The following TDP1 variants were observed in gnomAD, a reference collection of about 807,000 sequenced individuals.
The protein encoded by TDP1 is tyrosyl-DNA phosphodiesterase 1, also known as tyr-DNA phosphodiesterase 1.
Under a neutral mutation model 81.5 loss-of-function variants are expected in TDP1, and 64 were observed. That is an observed-to-expected ratio of 0.79 (90% confidence interval 0.64 to 0.97). The LOEUF is 0.97. Ranked by LOEUF, TDP1 falls within the 50% of genes least tolerant of loss-of-function variation. The pLI, the probability that TDP1 is intolerant of heterozygous loss-of-function variation, is 0.00. For synonymous variants in TDP1, 256 were observed against 264.3 expected, an observed-to-expected ratio of 0.97 and a Z score of 0.30; for missense variants, 723 against 743.8, an observed-to-expected ratio of 0.97 and a Z score of 0.33.
chr14:90,040,919 A>G (rs2140354582), intron 16 of TDP1, among the ~76,000 whole-genome samples: 1 of 152,354 alleles, frequency 6.6e-6, no homozygotes, highest in East Asian at 1.9e-4. Context: ...TAAAAACTCA[A>G]AAAGCAGAGC....
At chr14:90,008,672 T>C (rs1266741097) in intron 14 of TDP1, among the ~76,000 whole-genome samples, 2 of 152,240 alleles carry the variant, frequency 1.3e-5, no homozygotes, top group African/African-American at 4.8e-5. Flanking sequence ...ATTTGTTTTA[T>C]GCTTGTTTCA....
Position 89,991,942 on chromosome 14 carries a change from C to T in TDP1, c.1392C>T (p.Ile464=). The change falls in exon 13 of 17, where the codon ATC becomes ATT. Residue 464 remains isoleucine (I), a synonymous_variant. Transcript: ENST00000335725. Reference sequence around the variant, plus strand: ...CTGGGGGCTCTCTTCCCTATAGCATCCAGACAGCTGAAAAACAGAATTGGC... The same window carrying T: ...CTGGGGGCTCTCTTCCCTATAGCATTCAGACAGCTGAAAAACAGAATTGGC... The part of the protein sequence containing the change: ...YPAGGSLPYS[I]QTAEKQNWLH... The T allele has an allele frequency of 6.2e-7, 1 of 1,612,420 alleles. No individual in the cohort carries two copies. The highest frequency in any genetic ancestry group is 8.5e-7 in the Non-Finnish European group (1 of 1,179,512).
chr14:89,966,747 T>G (rs1892987386), intron 4 of TDP1, among the ~76,000 whole-genome samples: 1 of 152,216 alleles, frequency 6.6e-6, no homozygotes, highest in African/African-American at 2.4e-5. Context: ...AGTCCTGGTT[T>G]CCATTTGGAA....
chr14:90,033,060 C>A, intron 15 of TDP1, 46 bp from the exon 16 acceptor site: 1 of 1,334,222 alleles, frequency 7.5e-7, no homozygotes, highest in Non-Finnish European at 1.1e-6. Context: ...TTTTTTTAAA[C>A]CCAGAAAATG....
intron 15 of TDP1, among the ~76,000 whole-genome samples, chr14:90,030,646 A>G (rs944905746): frequency 3.7e-4 from 57 of 152,250 alleles, no homozygotes; most frequent in Non-Finnish European, 6.0e-4. Context: ...GAAGCAGGAA[A>G]GGAACTTTAG....
chr14:89,988,444 A>T, intron 10 of TDP1: 1 of 284,628 alleles, frequency 3.5e-6, no homozygotes, highest in Non-Finnish European at 5.3e-6. Context: ...CAGTCTCATT[A>T]ACATACAGAA....
rs34039545 is a variant in TDP1, at chr14:90,033,045, G to T, written c.1645-61G>T. The T allele has an allele frequency of 4.9e-4, 504 of 1,025,782 alleles. 2 individuals carry two copies. In the African/African-American group the frequency reaches 6.2e-3, roughly 13 times the overall value. The allele number at this position is 1,025,782 out of a possible 1,614,324, so 63.5% of individuals were successfully genotyped here. ...TATTATTGCTTCTTGAGGCCTTCTGGTTTTTTTTTTTAAACCCAGAAAATG... is the reference window on the plus strand; with the variant it reads ...TATTATTGCTTCTTGAGGCCTTCTGTTTTTTTTTTTTAAACCCAGAAAATG... On this transcript the variant is annotated intron_variant, in intron 15 of 16. Coordinates refer to ENST00000335725, the MANE Select transcript of TDP1 (RefSeq NM_018319.4).
intron 14 of TDP1, among the ~76,000 whole-genome samples, chr14:89,999,470 AC>A (rs1156937070): frequency 6.6e-6 from 1 of 152,236 alleles, no homozygotes; most frequent in Non-Finnish European, 1.5e-5. Context: ...AAAGGTAAAT[AC>A]ATCAAAAGCT....
chr14:90,022,691 A>C, intron 15 of TDP1: 2 of 951,254 alleles, frequency 2.1e-6, no homozygotes, highest in Middle Eastern at 5.4e-4. Context: ...CTTTATCTTA[A>C]AGTGCTTATA....
intron 14 of TDP1, among the ~76,000 whole-genome samples, chr14:90,006,621 C>T (rs568709851): frequency 2.8e-4 from 42 of 152,202 alleles, no homozygotes; most frequent in African/African-American, 9.9e-4. Flanking sequence ...ACTGCAACCT[C>T]CACCTCCTGG....
At chr14:89,990,986 T>A (rs1042690257) in intron 12 of TDP1, among the ~76,000 whole-genome samples, 25 of 152,224 alleles carry the variant, frequency 1.6e-4, no homozygotes, top group Non-Finnish European at 1.9e-4. Context: ...AATTCCTTTT[T>A]TCAAACTGAA....
At chr14:89,980,812 A>T (rs1360109697) in intron 8 of TDP1, 180 bp downstream of exon 8, 1 of 616,924 alleles carries the variant, frequency 1.6e-6, no homozygotes. Context: ...GCCCCATTCT[A>T]CCTTCTTGGG....
intron 10 of TDP1, among the ~76,000 whole-genome samples, chr14:89,987,525 G>A (rs1047727889): frequency 6.6e-6 from 1 of 152,198 alleles, no homozygotes; most frequent in African/African-American, 2.4e-5. Flanking sequence ...TGAATGGCAC[G>A]CAGAGGAGGA....
intron 10 of TDP1, among the ~76,000 whole-genome samples, chr14:89,987,975 G>A (rs1895758273): frequency 6.6e-6 from 1 of 152,100 alleles, no homozygotes; most frequent in Non-Finnish European, 1.5e-5. Context: ...TTGCAAGTCT[G>A]GGCCTCCAGA....
intron 15 of TDP1, among the ~76,000 whole-genome samples, chr14:90,020,099 G>A (rs937627233): frequency 1.3e-5 from 2 of 152,174 alleles, no homozygotes; most frequent in Non-Finnish European, 2.9e-5. Flanking sequence ...AGATTTCTGT[G>A]TCCAAACACC....
rs1209554219 is a variant in TDP1, at chr14:89,985,143, T to C, written c.1064T>C (p.Ile355Thr). Residue 355 changes from isoleucine (I) to threonine (T), a missense_variant, in exon 10 of 17, where the codon ATT becomes ACT. Physicochemically the swap from Ile to Thr is moderately conservative, Grantham distance 89. Transcript: ENST00000335725. ...HDLSETNVYL[I>T]GSTPGRFQGS... ...TTATGTCTTTTTAGTGTTTATCTTA[T>C]TGGTTCAACCCCAGGACGCTTTCAA... 2 of 1,610,924 alleles carry C rather than the reference T, an allele frequency of 1.2e-6. No individual in the cohort carries two copies. Among genetic ancestry groups the C allele is most frequent in the African/African-American group, 1.3e-5 (1 of 74,864 alleles).
chr14:89,955,015 T>C, upstream of TDP1: 1 of 336,168 alleles, frequency 3.0e-6, no homozygotes, highest in South Asian at 4.4e-5. Flanking sequence ...ATTTATTTCA[T>C]TCTCTCCCTC....
chr14:90,002,999 A>C (rs147389552), intron 14 of TDP1, among the ~76,000 whole-genome samples: 2 of 151,928 alleles, frequency 1.3e-5, no homozygotes, highest in Non-Finnish European at 2.9e-5. Context: ...GTGCAGTGGC[A>C]TGATTTCGGC....
rs553888877 is a variant in TDP1, at chr14:89,997,048, T to C, written c.1541+3565T>C. On this transcript the variant is annotated intron_variant, in intron 14 of 16. Transcript: ENST00000335725. The stretch of plus-strand genomic sequence containing the variant: ...TACCAAAGAATTCATTGTATACATA[T>C]TAGTTAATTGCACTTGTAATGCTTT... Among the ~76,000 whole-genome samples, 9 of 152,374 alleles carry C rather than the reference T, an allele frequency of 5.9e-5. No homozygotes were observed. The South Asian group carries it at 1.7e-3, about 28-fold the overall frequency.
Sources: allele counts gnomAD v4.1 joint callset (sites outside exome capture counted in the v4.1 genomes callset), GRCh38; gene constraint gnomAD v4.1.1; transcripts MANE v1.5; gene names NCBI Gene and HGNC (gene_info 2026-07-23, HGNC 2026-07-21).